The following TAFA1 variants were observed in gnomAD, a reference collection of about 807,000 sequenced individuals.
TAFA1 encodes TAFA chemokine like family member 1.
TAFA1 carries 4 observed loss-of-function variants against 18.5 expected under a neutral mutation model. That is an observed-to-expected ratio of 0.22 (90% CI 0.11 to 0.49). The LOEUF (loss-of-function observed/expected upper bound fraction) is 0.49, where lower values mean the gene tolerates loss of function less well. Among genes scored for constraint, TAFA1 ranks in the 20% least tolerant of loss-of-function variants. TAFA1 has a pLI of 0.98. For missense variants in TAFA1, 147 were observed against 169.0 expected (o/e 0.87, Z 0.72); for synonymous variants, 56 against 55.2 (o/e 1.01, Z -0.06).
At position 68,139,227 on chromosome 3, in the gene TAFA1, G is replaced by A. The variant is rs765020789; in HGVS notation, c.118+132483G>A. 2.6e-5 allele frequency among the ~76,000 whole-genome samples: 4 copies of A among 152,060 alleles called. No individual in the cohort carries two copies. The East Asian group carries it at 7.7e-4, about 29-fold the overall frequency. On this transcript the variant is annotated intron_variant, in intron 2 of 4. Transcript: ENST00000478136. Reference sequence around the variant, plus strand: ...CAAACATTGACATACCGAATATCAGGTCAATTAACTTTAGAAAGTAATTGT... The same window carrying A: ...CAAACATTGACATACCGAATATCAGATCAATTAACTTTAGAAAGTAATTGT...
rs1472036686 is a variant in TAFA1, at chr3:68,538,858, G to C, written c.362G>C (p.Gly121Ala). Residue 121 changes from glycine (G) to alanine (A), a missense_variant, in exon 4 of 5, where the codon GGC becomes GCC. Gly to Ala is a moderately conservative substitution (Grantham distance 60). Coordinates refer to ENST00000478136, the MANE Select transcript of TAFA1 (RefSeq NM_213609.4). ...PDNSGWMCAT[G>A]NKIKTTRIHP... ...AATTCTGGATGGATGTGCGCAACAG[G>C]CAACAAAATTAAGACCACGAGAGTA... 10 of 1,613,466 alleles carry C rather than the reference G, an allele frequency of 6.2e-6. No individual in the cohort carries two copies. Among genetic ancestry groups the C allele is most frequent in the Non-Finnish European group, 8.5e-6 (10 of 1,179,606 alleles).
chr3:68,042,692 C>A (rs1373635732), intron 2 of TAFA1, among the ~76,000 whole-genome samples: 1 of 152,110 alleles, frequency 6.6e-6, no homozygotes, highest in Non-Finnish European at 1.5e-5. Context: ...TTAAATAGAG[C>A]ACCAACTATA....
intron 2 of TAFA1, among the ~76,000 whole-genome samples, chr3:68,180,487 G>C (rs2066184851): frequency 6.6e-6 from 1 of 152,146 alleles, no homozygotes; most frequent in Non-Finnish European, 1.5e-5. Flanking sequence ...TGTTTGATTA[G>C]CCCATATTGT....
chr3:68,500,864 A>G (rs2072645045), intron 3 of TAFA1, among the ~76,000 whole-genome samples: 1 of 152,070 alleles, frequency 6.6e-6, no homozygotes, highest in Non-Finnish European at 1.5e-5. Context: ...AGATTCAGCT[A>G]TCAAAAGAGG....
chr3:68,383,829 G>A (rs920664915), intron 2 of TAFA1, among the ~76,000 whole-genome samples: 2 of 152,008 alleles, frequency 1.3e-5, no homozygotes, highest in African/African-American at 4.8e-5. Flanking sequence ...TGGTTGGTAG[G>A]CCATTAATTA....
chr3:68,155,139 A>G (rs1362020655), intron 2 of TAFA1, among the ~76,000 whole-genome samples: 1 of 152,128 alleles, frequency 6.6e-6, no homozygotes, highest in African/African-American at 2.4e-5. Context: ...AATAAGTTGT[A>G]TTACTCATCT....
intron 2 of TAFA1, among the ~76,000 whole-genome samples, chr3:68,382,411 A>G (rs1299249637): frequency 6.6e-6 from 1 of 152,000 alleles, no homozygotes; most frequent in Non-Finnish European, 1.5e-5. Flanking sequence ...TGTGAGGAAC[A>G]TGTCCAGTAT....
intron 2 of TAFA1, among the ~76,000 whole-genome samples, chr3:68,215,800 A>G (rs1028022890): frequency 2.0e-5 from 3 of 151,950 alleles, no homozygotes; most frequent in Non-Finnish European, 2.9e-5. Flanking sequence ...CAGCAGTCAC[A>G]CTCCTAGCTA....
chr3:68,362,765 G>T (rs747919436), intron 2 of TAFA1, among the ~76,000 whole-genome samples: 3 of 152,044 alleles, frequency 2.0e-5, no homozygotes. Context: ...ACAAGTGGTT[G>T]GTGGATGATA....
At chr3:68,496,357 AC>A (rs1559693843) in intron 3 of TAFA1, among the ~76,000 whole-genome samples, 1 of 152,090 alleles carries the variant, frequency 6.6e-6, no homozygotes, top group African/African-American at 2.4e-5. Context: ...AACTTCCAAG[AC>A]TAGGTCGTAT....
Position 68,482,259 on chromosome 3 carries a change from G to A in TAFA1, c.260-56497G>A, listed in dbSNP as rs145691912. Among the ~76,000 whole-genome samples, 1,247 of 152,186 alleles carry A rather than the reference G, an allele frequency of 8.2e-3. 12 individuals carry two copies. Among genetic ancestry groups the A allele is most frequent in the African/African-American group, 0.028 (1,167 of 41,518 alleles). On this transcript the variant is annotated intron_variant, in intron 3 of 4. Coordinates refer to ENST00000478136, the MANE Select transcript of TAFA1 (RefSeq NM_213609.4). ...TCTGACCTCGTGATCCGCCCGCCTC[G>A]GCCTCCCAAAGTGCTGGGATTGCAG...
chr3:68,405,985 T>C (rs2070598556), intron 2 of TAFA1, among the ~76,000 whole-genome samples: 1 of 152,050 alleles, frequency 6.6e-6, no homozygotes, highest in Non-Finnish European at 1.5e-5. Context: ...TATGTGCTGC[T>C]CGATTTATTA....
intron 3 of TAFA1, among the ~76,000 whole-genome samples, chr3:68,426,897 T>C (rs1213382789): frequency 6.6e-6 from 1 of 151,934 alleles, no homozygotes; most frequent in Non-Finnish European, 1.5e-5. Flanking sequence ...TCAAGAATTT[T>C]GATGTTATTT....
Position 68,254,336 on chromosome 3 carries a change from C to T in TAFA1, c.119-162944C>T, listed in dbSNP as rs138395848. ...AGAAAAATATGAAAATCAATTTCAT[C>T]AAAATTGAACCACCTAAGACGATTG... is the stretch of plus-strand genomic sequence containing the variant. On this transcript the variant is annotated intron_variant, in intron 2 of 4. Transcript: ENST00000478136. 1.5e-3 allele frequency among the ~76,000 whole-genome samples: 222 copies of T among 152,082 alleles called. 2 individuals carry two copies. Among genetic ancestry groups the T allele is most frequent in the African/African-American group, 4.6e-3 (192 of 41,504 alleles).
chr3:68,423,879 T>TA (rs975190287), intron 3 of TAFA1, among the ~76,000 whole-genome samples: 5 of 152,000 alleles, frequency 3.3e-5, no homozygotes, highest in Non-Finnish European at 5.9e-5. Flanking sequence ...ATCTCTATGA[T>TA]AAGTTCAGAA....
intron 3 of TAFA1, among the ~76,000 whole-genome samples, chr3:68,484,773 A>T (rs187329554): frequency 3.4e-4 from 52 of 152,272 alleles, no homozygotes; most frequent in African/African-American, 1.3e-3. Flanking sequence ...ATCTTCATAC[A>T]CTTGGCCCAC....
chr3:68,484,470 C>A (rs1190695546), intron 3 of TAFA1, among the ~76,000 whole-genome samples: 3 of 152,074 alleles, frequency 2.0e-5, no homozygotes, highest in African/African-American at 7.2e-5. Flanking sequence ...AGGTAAGATG[C>A]AATGCATTGG....
At chr3:68,009,316 A>C (rs148410598) in intron 2 of TAFA1, among the ~76,000 whole-genome samples, 10,508 of 152,322 alleles carry the variant, frequency 0.069, 423 homozygotes, top group Non-Finnish European at 0.094. Context: ...ATGTATAATA[A>C]GTAAACTTAT....
chr3:68,223,254 C>T (rs2107097902), intron 2 of TAFA1, among the ~76,000 whole-genome samples: 1 of 152,272 alleles, frequency 6.6e-6, no homozygotes, highest in South Asian at 2.1e-4. Context: ...CTCAATATTT[C>T]CACTTATACT....
Sources: gnomAD v4.1 joint callset for allele counts (sites outside exome capture counted in the v4.1 genomes callset) on GRCh38, gnomAD v4.1.1 for gene constraint, MANE v1.5 for transcripts, NCBI Gene and HGNC (gene_info 2026-07-23, HGNC 2026-07-21) for gene names.